Variants in MAGI2 observed in about 807,000 individuals in gnomAD.
MAGI2 encodes membrane-associated guanylate kinase, WW and PDZ domain-containing protein 2.
In MAGI2, 35 loss-of-function variants were observed where a neutral mutation model predicts 133.3. The observed-to-expected ratio is 0.26, with a 90% CI of 0.20 to 0.35. The LOEUF (loss-of-function observed/expected upper bound fraction) is 0.35, where lower values mean the gene tolerates loss of function less well. Among genes scored for constraint, MAGI2 ranks in the 10% least tolerant of loss-of-function variants. The pLI is 1.00. For synonymous variants in MAGI2, 729 were observed against 710.6 expected (o/e 1.03, Z -0.41); for missense variants, 1,636 against 1,863.4 (o/e 0.88, Z 2.25).
chr7:78,681,616 T>C (rs1294946761), intron 2 of MAGI2, among the ~76,000 whole-genome samples: 1 of 152,138 alleles, frequency 6.6e-6, no homozygotes, highest in Non-Finnish European at 1.5e-5. Context: ...CTGTAATATA[T>C]GCTGCCATAT....
At chr7:78,650,451 A>G (rs1229388638) in intron 2 of MAGI2, among the ~76,000 whole-genome samples, 1 of 152,128 alleles carries the variant, frequency 6.6e-6, no homozygotes, top group African/African-American at 2.4e-5. Flanking sequence ...TGTCATTTCC[A>G]TGGGAGTAAG....
At chr7:78,481,092 A>C (rs1205438589) in intron 6 of MAGI2, among the ~76,000 whole-genome samples, 1 of 152,002 alleles carries the variant, frequency 6.6e-6, no homozygotes, top group African/African-American at 2.4e-5. Flanking sequence ...AAATGGCAAA[A>C]GACCTAAAAT....
At chr7:79,280,377 T>C (rs1006251408) in intron 1 of MAGI2, among the ~76,000 whole-genome samples, 19 of 152,050 alleles carry the variant, frequency 1.2e-4, no homozygotes, top group African/African-American at 4.6e-4. Context: ...GTTGATATTG[T>C]ATGTAGGAGA....
In MAGI2 at chr7:78,373,427, T is replaced by C. The variant is rs373075673; in HGVS notation, c.1046-4214A>G. 1.5e-4 allele frequency among the ~76,000 whole-genome samples: 23 copies of C among 152,298 alleles called. No individual in the cohort carries two copies. The South Asian group carries it at 2.5e-3, about 16-fold the overall frequency. On this transcript the variant is annotated intron_variant, in intron 6 of 21. Coordinates refer to ENST00000354212, the MANE Select transcript of MAGI2 (RefSeq NM_012301.4). ...CTGGGTTCAATGTACTTATGAAAGATGTAAATGTTAGGGGCAGCTAAGTGG... is the reference window on the plus strand; with the variant it reads ...CTGGGTTCAATGTACTTATGAAAGACGTAAATGTTAGGGGCAGCTAAGTGG...
At chr7:79,406,263 A>G (rs1240575278) in intron 1 of MAGI2, among the ~76,000 whole-genome samples, 1 of 152,122 alleles carries the variant, frequency 6.6e-6, no homozygotes, top group Non-Finnish European at 1.5e-5. Context: ...TGCAGCCAAG[A>G]TAATAAGAGA....
chr7:78,797,782 G>A (rs945805378), intron 2 of MAGI2, among the ~76,000 whole-genome samples: 5 of 152,072 alleles, frequency 3.3e-5, no homozygotes, highest in African/African-American at 7.2e-5. Context: ...ATATATTCAC[G>A]CTAGGGGTAA....
intron 1 of MAGI2, chr7:79,415,678 A>T (rs1846451126): frequency 6.6e-6 from 1 of 152,006 alleles, no homozygotes; most frequent in Non-Finnish European, 1.5e-5. Flanking sequence ...TTGGCATCTG[A>T]AACAGAGAAG....
chr7:78,996,718 A>G (rs182378622), intron 2 of MAGI2, among the ~76,000 whole-genome samples: 1 of 152,340 alleles, frequency 6.6e-6, no homozygotes, highest in East Asian at 1.9e-4. Flanking sequence ...TACCTCTTCT[A>G]GGATCGACTT....
At chr7:79,187,758 G>T (rs1474268071) in intron 1 of MAGI2, among the ~76,000 whole-genome samples, 2 of 151,782 alleles carry the variant, frequency 1.3e-5, no homozygotes, top group Non-Finnish European at 2.9e-5. Flanking sequence ...AAGTAGATTT[G>T]CATGGTTGTG....
chr7:78,945,063 T>G (rs1801304852), intron 2 of MAGI2, among the ~76,000 whole-genome samples: 1 of 151,996 alleles, frequency 6.6e-6, no homozygotes, highest in African/African-American at 2.4e-5. Context: ...AATTAATTAA[T>G]TATTTTTTTG....
chr7:78,904,525 C>CTTTTT lies in MAGI2; in HGVS notation c.418+102560_418+102564dup, dbSNP rs10665131. Among the ~76,000 whole-genome samples the CTTTTT allele has an allele frequency of 6.0e-4, 81 of 134,798 alleles. 3 individuals are homozygous for CTTTTT. The highest frequency in any genetic ancestry group is 1.8e-3 in the East Asian group (8 of 4,438). The allele number at this position is 134,798 out of a possible 152,430, so 88.4% of individuals were successfully genotyped here. On this transcript the variant is annotated intron_variant, in intron 2 of 21. Coordinates refer to ENST00000354212, the MANE Select transcript of MAGI2 (RefSeq NM_012301.4). ...TAGCATACTAAATAATAACGCAGTT[C>CTTTTT]TTTTTTTTTTTTTTTTGAGACAGAG...
At chr7:79,341,302 G>C (rs2129100328) in intron 1 of MAGI2, among the ~76,000 whole-genome samples, 1 of 152,180 alleles carries the variant, frequency 6.6e-6, no homozygotes, top group South Asian at 2.1e-4. Context: ...TAAAATTACT[G>C]GCTGGCAGCA....
chr7:78,701,200 G>A (rs1242557651), intron 2 of MAGI2, among the ~76,000 whole-genome samples: 4 of 151,626 alleles, frequency 2.6e-5, no homozygotes, highest in East Asian at 3.9e-4. Flanking sequence ...TTCACCTAAC[G>A]ATATCAATAT....
At chr7:78,721,665 G>A (rs1250387037) in intron 2 of MAGI2, among the ~76,000 whole-genome samples, 7 of 151,926 alleles carry the variant, frequency 4.6e-5, no homozygotes, top group African/African-American at 1.7e-4. Context: ...TATTGAGAAG[G>A]TTCTCAAAGA....
intron 2 of MAGI2, among the ~76,000 whole-genome samples, chr7:78,694,629 C>T (rs1021579825): frequency 1.3e-5 from 2 of 152,132 alleles, no homozygotes; most frequent in African/African-American, 4.8e-5. Flanking sequence ...TAAAAGACCC[C>T]TTCCATAATA....
At chr7:78,240,864 G>T (rs1791061252) in intron 10 of MAGI2, among the ~76,000 whole-genome samples, 1 of 151,618 alleles carries the variant, frequency 6.6e-6, no homozygotes, top group Admixed American at 6.6e-5. Flanking sequence ...ATATTAGCTA[G>T]GTATTCAAAA....
At chr7:78,169,806 C>T (rs55643754) in intron 14 of MAGI2, among the ~76,000 whole-genome samples, 18,248 of 152,304 alleles carry the variant, frequency 0.12, 1,442 homozygotes, top group Non-Finnish European at 0.18. Context: ...TCTTTCCCTG[C>T]AACTCACTGT....
At chr7:78,318,996 C>T (rs1162980274) in intron 9 of MAGI2, among the ~76,000 whole-genome samples, 1 of 152,166 alleles carries the variant, frequency 6.6e-6, no homozygotes, top group Non-Finnish European at 1.5e-5. Flanking sequence ...CAACCGGTAC[C>T]AGCCACTGCA....
intron 1 of MAGI2, among the ~76,000 whole-genome samples, chr7:79,021,328 G>T (rs1198116282): frequency 6.6e-6 from 1 of 152,132 alleles, no homozygotes; most frequent in Admixed American, 6.5e-5. Context: ...TAGAATGGTT[G>T]ATCCACACAG....
Sources: allele counts gnomAD v4.1 joint callset (sites outside exome capture counted in the v4.1 genomes callset), GRCh38; gene constraint gnomAD v4.1.1; transcripts MANE v1.5; gene names NCBI Gene and HGNC (gene_info 2026-07-23, HGNC 2026-07-21).